Variants in SUPT5H observed in about 807,000 individuals in gnomAD.
SUPT5H encodes SPT5 homolog, DSIF elongation factor subunit.
SUPT5H carries 24 observed loss-of-function variants against 142.5 expected under a neutral mutation model. The observed-to-expected ratio is 0.17, with a 90% confidence interval of 0.12 to 0.24. SUPT5H has a LOEUF of 0.24. Among genes scored for constraint, SUPT5H ranks in the 10% least tolerant of loss-of-function variants. SUPT5H has a pLI of 1.00. For missense variants in SUPT5H, 893 were observed against 1,471.8 expected, an observed-to-expected ratio of 0.61 and a Z score of 6.43; for synonymous variants, 546 against 553.0, an observed-to-expected ratio of 0.99 and a Z score of 0.18.
At position 39,472,338 on chromosome 19, in the gene SUPT5H, G is replaced by C. The variant is rs905575933; in HGVS notation, c.1951-71G>C. ...GGTCTCCTCAGGGCCCTGCACGTGG[G>C]ATGATGAGTTCCTGTGGTTTGTGGT... On this transcript the variant is annotated intron_variant, in intron 20 of 29. Coordinates refer to ENST00000432763, the MANE Select transcript of SUPT5H (RefSeq NM_001111020.3). The surrounding 1 kb of genome is among the most constrained non-coding windows in gnomAD (Gnocchi z 4.2). 4 of 1,481,648 alleles carry C rather than the reference G, an allele frequency of 2.7e-6. No individual in the cohort carries two copies. The Admixed American group carries it at 5.1e-5, about 19-fold the overall frequency. The allele number at this position is 1,481,648 out of a possible 1,614,324, so 91.8% of individuals were successfully genotyped here.
rs1475634452 is a variant in SUPT5H, at chr19:39,474,421, G to T, written c.2820+19G>T. 6.2e-7 allele frequency: 1 copy of T among 1,611,764 alleles called. No individual in the cohort carries two copies. The highest frequency in any genetic ancestry group is 8.5e-7 in the Non-Finnish European group (1 of 1,178,148). The stretch of plus-strand genomic sequence containing the variant: ...CTATCAGGTAATGGTCTGCCTGCCT[G>T]CCCTGAAGGGTGGTGGGCTAGGGTG... On this transcript the variant is annotated intron_variant, in intron 27 of 29. Transcript: ENST00000432763. This position sits in a 1 kb window ranked among gnomAD's most constrained non-coding sequence, Gnocchi z 6.5.
chr19:39,468,888 A>G (rs761083621), intron 14 of SUPT5H, 27 bp downstream of exon 14: 2 of 1,607,806 alleles, frequency 1.2e-6, no homozygotes, highest in East Asian at 2.2e-5. Context: ...GGTGTTGGTA[A>G]TGGGGGTGGT....
chr19:39,461,840 A>G (rs1244916509), intron 10 of SUPT5H, among the ~76,000 whole-genome samples: 6 of 139,476 alleles, frequency 4.3e-5, no homozygotes, highest in Non-Finnish European at 9.1e-5. Flanking sequence ...AAAAAAAAAA[A>G]TAATAATAAT....
Position 39,458,365 on chromosome 19 carries a change from TC to T in SUPT5H, c.319+62del. On this transcript the variant is annotated intron_variant, in intron 5 of 29. Coordinates refer to ENST00000432763, the MANE Select transcript of SUPT5H (RefSeq NM_001111020.3). This position sits in a 1 kb window ranked among gnomAD's most constrained non-coding sequence, Gnocchi z 4.2. ...CTCCCATATCCTGACATTTCCTCCT[TC>T]CTGAGGCACCTGCCCTCACCGGTAG... 6.2e-7 allele frequency: 1 copy of T among 1,605,454 alleles called. No individual in the cohort carries two copies. Among genetic ancestry groups the T allele is most frequent in the African/African-American group, 1.3e-5 (1 of 74,864 alleles).
rs2079357711 is a variant in SUPT5H at position 39,473,664 on chromosome 19, G to A, written c.2492+143G>A. The A allele has an allele frequency of 9.6e-7, 1 of 1,042,950 alleles. No homozygotes were observed. Among genetic ancestry groups the A allele is most frequent in the Non-Finnish European group, 1.4e-6 (1 of 732,668 alleles). 64.6% of individuals were successfully genotyped at this position (1,042,950 alleles called of 1,614,324 possible). A position where few individuals can be genotyped will look rare whatever the true frequency, so the allele number is the denominator to read the frequency against. On this transcript the variant is annotated intron_variant, in intron 25 of 29. Transcript: ENST00000432763. This position sits in a 1 kb window ranked among gnomAD's most constrained non-coding sequence, Gnocchi z 5.8. Reference sequence around the variant, plus strand: ...CAGGCTGGTCCCTTTGAAGGAGGAGGCATAGCATGGCGGGGCGGGGGCAAA... The same window carrying A: ...CAGGCTGGTCCCTTTGAAGGAGGAGACATAGCATGGCGGGGCGGGGGCAAA...
At chr19:39,475,356 C>T (rs1174875396) in intron 28 of SUPT5H, 1 of 150,236 alleles carries the variant, frequency 6.7e-6, no homozygotes, top group Admixed American at 6.6e-5. Context: ...GAGATCGTGC[C>T]ACTGCGCCCC....
rs2079408615 is a variant in SUPT5H, at chr19:39,476,508, A to G, written c.*109A>G. The G allele has an allele frequency of 2.1e-6, 3 of 1,410,924 alleles. No individual in the cohort carries two copies. Among genetic ancestry groups the G allele is most frequent in the Admixed American group, 2.1e-5 (1 of 46,784 alleles). 87.4% of individuals were successfully genotyped at this position (1,410,924 alleles called of 1,614,324 possible). On this transcript the variant is annotated 3_prime_UTR_variant, in exon 30 of 30. Transcript: ENST00000432763. ...TGCAGGGCTAGGCGGATTGTTCTGG[A>G]TTTCCTTTTGTTTTTCCTTTTAGTT...
chr19:39,449,324 CAG>C (rs375843217), intron 2 of SUPT5H, among the ~76,000 whole-genome samples: 3 of 152,164 alleles, frequency 2.0e-5, no homozygotes, highest in African/African-American at 4.8e-5. Flanking sequence ...TGGGACCTGT[CAG>C]AGGGGAACTG....
Position 39,469,185 on chromosome 19 carries a change from C to T in SUPT5H, c.1237+13C>T. The T allele has an allele frequency of 6.2e-7, 1 of 1,614,176 alleles. No individual in the cohort carries two copies. Among genetic ancestry groups the T allele is most frequent in the African/African-American group, 1.3e-5 (1 of 75,038 alleles). ...ACTGAGAGCACAGGTATTTGATCCC[C>T]CTCTATAACCTGGGCCAAGGAGCAG... On this transcript the variant is annotated intron_variant, in intron 15 of 29. Transcript: ENST00000432763. This position sits in a 1 kb window ranked among gnomAD's most constrained non-coding sequence, Gnocchi z 5.1.
At chr19:39,471,818 C>G in intron 20 of SUPT5H, 88 bp downstream of exon 20, 1 of 1,505,556 alleles carries the variant, frequency 6.6e-7, no homozygotes, top group Non-Finnish European at 8.9e-7. Context: ...TAAGATTGGG[C>G]TTGTGAGGGA....
intron 2 of SUPT5H, 115 bp downstream of exon 2, chr19:39,446,080 C>T: frequency 1.8e-6 from 2 of 1,136,340 alleles, no homozygotes; most frequent in Non-Finnish European, 2.5e-6. Flanking sequence ...TGGGAACTCC[C>T]AGATTGTCTC....
chr19:39,470,636 GCT>G lies in SUPT5H; in HGVS notation c.1677+116_1677+117del. On this transcript the variant is annotated intron_variant, in intron 18 of 29. Coordinates refer to ENST00000432763, the MANE Select transcript of SUPT5H (RefSeq NM_001111020.3). This position sits in a 1 kb window ranked among gnomAD's most constrained non-coding sequence, Gnocchi z 5.8. ...CAGACTGCTCTGGGTTGCAGATCTG[GCT>G]CTGTCACTTACATCTGAATGGCTGA... 1 of 1,249,022 alleles carries G rather than the reference GCT, an allele frequency of 8.0e-7. No individual in the cohort carries two copies. The highest frequency in any genetic ancestry group is 1.8e-5 in the South Asian group (1 of 54,722). 77.4% of individuals were successfully genotyped at this position (1,249,022 alleles called of 1,614,324 possible). A position where few individuals can be genotyped will look rare whatever the true frequency, so the allele number is the denominator to read the frequency against.
At chr19:39,459,144 A>T in intron 7 of SUPT5H, 40 bp from the exon 8 acceptor site, 4 of 1,611,992 alleles carry the variant, frequency 2.5e-6, no homozygotes, top group Non-Finnish European at 3.4e-6. Flanking sequence ...CGGGGATCTG[A>T]CAGAGCTTCA....
In SUPT5H at chr19:39,470,198, T is replaced by G; in HGVS notation, c.1454T>G (p.Phe485Cys). 1 of 1,611,012 alleles carries G rather than the reference T, an allele frequency of 6.2e-7. No individual in the cohort carries two copies. The highest frequency in any genetic ancestry group is 1.1e-5 in the South Asian group (1 of 90,718). Residue 485 changes from phenylalanine to cysteine, a missense_variant, in exon 17 of 30, where the codon TTC (phenylalanine) becomes TGC (cysteine). Transcript: ENST00000432763. The surrounding 1 kb of genome is among the most constrained non-coding windows in gnomAD (Gnocchi z 5.8). Reference protein sequence around the residue: ...GDHVKVIAGRFEGDTGLIVRV... With the variant: ...GDHVKVIAGRCEGDTGLIVRV... Reference sequence around the variant, plus strand: ...CACGTGAAGGTGATTGCTGGCCGATTCGAGGGCGACACAGGCCTCATTGTG... The same window carrying G: ...CACGTGAAGGTGATTGCTGGCCGATGCGAGGGCGACACAGGCCTCATTGTG...
At position 39,469,216 on chromosome 19, in the gene SUPT5H, G is replaced by T; in HGVS notation, c.1237+44G>T. On this transcript the variant is annotated intron_variant, in intron 15 of 29. Coordinates refer to ENST00000432763, the MANE Select transcript of SUPT5H (RefSeq NM_001111020.3). This position sits in a 1 kb window ranked among gnomAD's most constrained non-coding sequence, Gnocchi z 5.1. ...TAACCTGGGCCAAGGAGCAGGGGCGGCCCATGGTGGCAACCCCCGAGTCAG... is the reference window on the plus strand; with the variant it reads ...TAACCTGGGCCAAGGAGCAGGGGCGTCCCATGGTGGCAACCCCCGAGTCAG... The T allele has an allele frequency of 6.2e-7, 1 of 1,614,180 alleles. No homozygotes were observed. Among genetic ancestry groups the T allele is most frequent in the South Asian group, 1.1e-5 (1 of 91,076 alleles).
rs1020471505 is a variant in SUPT5H at position 39,466,613 on chromosome 19, G to A, written c.966+44G>A. On this transcript the variant is annotated intron_variant, in intron 12 of 29. Coordinates refer to ENST00000432763, the MANE Select transcript of SUPT5H (RefSeq NM_001111020.3). The surrounding 1 kb of genome is among the most constrained non-coding windows in gnomAD (Gnocchi z 4.3). ...GGCCTGGGGGGGAGGGAGTGTGCTC[G>A]ATCCCACTGGTGGCCAAGCCCCCTC... is the stretch of plus-strand genomic sequence containing the variant. 1.2e-6 allele frequency: 2 copies of A among 1,612,378 alleles called. No homozygotes were observed. The highest frequency in any genetic ancestry group is 1.7e-5 in the Admixed American group (1 of 59,998).
chr19:39,474,835 G>A lies in SUPT5H; in HGVS notation c.3024+117G>A. 8.5e-7 allele frequency: 1 copy of A among 1,183,356 alleles called. No individual in the cohort carries two copies. Among genetic ancestry groups the A allele is most frequent in the Non-Finnish European group, 1.2e-6 (1 of 835,470 alleles). 73.3% of individuals were successfully genotyped at this position (1,183,356 alleles called of 1,614,324 possible). A position where few individuals can be genotyped will look rare whatever the true frequency, so the allele number is the denominator to read the frequency against. ...CAGAGTGGGCAGAGCTGGGATTGAG[G>A]AAGCCTAGAGGGCAAGGGGAGCTAT... On this transcript the variant is annotated intron_variant, in intron 28 of 29. Coordinates refer to ENST00000432763, the MANE Select transcript of SUPT5H (RefSeq NM_001111020.3). The surrounding 1 kb of genome is among the most constrained non-coding windows in gnomAD (Gnocchi z 6.5).
At chr19:39,454,583 G>A (rs1442555314) in intron 3 of SUPT5H, among the ~76,000 whole-genome samples, 2 of 151,634 alleles carry the variant, frequency 1.3e-5, no homozygotes, top group African/African-American at 4.9e-5. Context: ...CTTGTGATCC[G>A]CCCGCCCTGG....
chr19:39,445,675 G>C, intron 1 of SUPT5H, 38 bp downstream of exon 1: 1 of 587,896 alleles, frequency 1.7e-6, no homozygotes. Context: ...CCGGGCGCCG[G>C]GGAGGTGTAG....
Sources: allele counts gnomAD v4.1 joint callset (sites outside exome capture counted in the v4.1 genomes callset), GRCh38; gene constraint gnomAD v4.1.1; non-coding constraint Gnocchi (gnomAD v3.1); transcripts MANE v1.5; gene names NCBI Gene and HGNC (gene_info 2026-07-23, HGNC 2026-07-21).